SLC1A1: variants seen among roughly 807,000 people sequenced by gnomAD.
The protein encoded by SLC1A1 is solute carrier family 1 member 1, also known as excitatory amino acid transporter 3.
Under a neutral mutation model 53.3 loss-of-function variants are expected in SLC1A1, and 43 were observed. The observed-to-expected ratio is 0.81, with a 90% confidence interval of 0.63 to 1.04. The LOEUF (loss-of-function observed/expected upper bound fraction) is 1.04. Among genes scored for constraint, SLC1A1 ranks in the 50% least tolerant of loss-of-function variants. The probability of loss-of-function intolerance (pLI) is 0.00; values close to 1 mark genes in which losing one functional copy is unlikely to be tolerated. For missense variants in SLC1A1, 748 were observed against 664.9 expected (o/e 1.12, Z -1.37); for synonymous variants, 307 against 243.2 (o/e 1.26, Z -2.44).
intron 1 of SLC1A1, among the ~76,000 whole-genome samples, chr9:4,524,162 G>T (rs1177171321): frequency 6.6e-6 from 1 of 152,164 alleles, no homozygotes; most frequent in Non-Finnish European, 1.5e-5. Flanking sequence ...GAAAAGCAAT[G>T]ATTGTTTTAA....
In SLC1A1 at chr9:4,532,000, C is replaced by T. The variant is rs1029285184; in HGVS notation, c.92-12567C>T. ...ACAGACCTGCAGCTGAGGGTCCTGA[C>T]CGTTAGAAGGAAAACTAACAAACAG... On this transcript the variant is annotated intron_variant, in intron 1 of 11. Coordinates refer to ENST00000262352, the MANE Select transcript of SLC1A1 (RefSeq NM_004170.6). Among the ~76,000 whole-genome samples, 27 of 152,150 alleles carry T rather than the reference C, an allele frequency of 1.8e-4. 1 individual carries two copies. The highest frequency in any genetic ancestry group is 6.3e-4 in the African/African-American group (26 of 41,428).
rs753155496 is a variant in SLC1A1, at chr9:4,567,716, GAAC to G, written c.533_535del (p.Asn178del). Reference sequence around the variant, plus strand: ...TGAAGCCTCCCAGCGATCCAGAGATGAACATGACAGAAGAGTCCTTCACAGCTG... The same window carrying G: ...TGAAGCCTCCCAGCGATCCAGAGATGATGACAGAAGAGTCCTTCACAGCTG... On this transcript the variant is annotated inframe_deletion, in exon 6 of 12. Transcript: ENST00000262352. 570 of 1,613,362 alleles carry G rather than the reference GAAC, an allele frequency of 3.5e-4. 1 individual carries two copies. The highest frequency in any genetic ancestry group is 4.7e-4 in the Non-Finnish European group (553 of 1,179,580).
chr9:4,497,660 T>G (rs1820481777), intron 1 of SLC1A1, among the ~76,000 whole-genome samples: 1 of 152,190 alleles, frequency 6.6e-6, no homozygotes, highest in African/African-American at 2.4e-5. Flanking sequence ...GATTAACACT[T>G]GATGAATCTA....
intron 1 of SLC1A1, among the ~76,000 whole-genome samples, chr9:4,527,200 C>G (rs1403157994): frequency 2.6e-5 from 4 of 152,126 alleles, no homozygotes; most frequent in African/African-American, 9.7e-5. Context: ...CTGAGAACAG[C>G]ATCATGAGCC....
chr9:4,572,298 T>A lies in SLC1A1; in HGVS notation c.677T>A (p.Ile226Asn). Reference protein sequence around the residue: ...IVFCLVFGLVIGKMGEKGQIL... With the variant: ...IVFCLVFGLVNGKMGEKGQIL... ...TTTTGCCTTGTCTTTGGACTTGTCA[T>A]TGGAAAAATGGGAGAAAAGGGACAA... The change falls in exon 7 of 12, where the codon ATT (isoleucine) becomes AAT (asparagine). Residue 226 changes from isoleucine to asparagine, a missense_variant. Transcript: ENST00000262352. 6.2e-7 allele frequency: 1 copy of A among 1,614,134 alleles called. No homozygotes were observed. The highest frequency in any genetic ancestry group is 8.5e-7 in the Non-Finnish European group (1 of 1,179,964).
chr9:4,495,125 A>T (rs991755337), intron 1 of SLC1A1, among the ~76,000 whole-genome samples: 10 of 152,174 alleles, frequency 6.6e-5, no homozygotes, highest in African/African-American at 2.4e-4. Flanking sequence ...TGTAGCGTGC[A>T]TCTGGCAGTG....
intron 1 of SLC1A1, among the ~76,000 whole-genome samples, chr9:4,519,290 T>A (rs1209810004): frequency 6.6e-6 from 1 of 152,258 alleles, no homozygotes; most frequent in Non-Finnish European, 1.5e-5. Context: ...CAATAATGCA[T>A]GACATTGGTT....
At chr9:4,502,530 G>C (rs1437581032) in intron 1 of SLC1A1, among the ~76,000 whole-genome samples, 2 of 150,606 alleles carry the variant, frequency 1.3e-5, no homozygotes, top group Non-Finnish European at 2.9e-5. Flanking sequence ...AATTTACCAC[G>C]AGTTTTATGT....
At chr9:4,584,309 G>A (rs1410495133) in intron 11 of SLC1A1, among the ~76,000 whole-genome samples, 1 of 152,252 alleles carries the variant, frequency 6.6e-6, no homozygotes, top group Non-Finnish European at 1.5e-5. Flanking sequence ...AAATGAGGTG[G>A]CACCCTTCTT....
intron 2 of SLC1A1, among the ~76,000 whole-genome samples, chr9:4,555,725 T>C (rs1818312360): frequency 6.6e-6 from 1 of 152,308 alleles, no homozygotes; most frequent in African/African-American, 2.4e-5. Flanking sequence ...CGTGCTCTTC[T>C]TTTTCTGCCC....
At chr9:4,541,342 G>T (rs1373726472) in intron 1 of SLC1A1, among the ~76,000 whole-genome samples, 1 of 152,210 alleles carries the variant, frequency 6.6e-6, no homozygotes, top group African/African-American at 2.4e-5. Flanking sequence ...AGCAAACAAA[G>T]AAGTTTAGTA....
chr9:4,554,134 G>C (rs1294422724), intron 2 of SLC1A1: 1 of 152,246 alleles, frequency 6.6e-6, no homozygotes, highest in Non-Finnish European at 1.5e-5. Flanking sequence ...GGAGGTTGAA[G>C]ACAGATTAAG....
At chr9:4,555,060 G>C (rs573872351) in intron 2 of SLC1A1, among the ~76,000 whole-genome samples, 1 of 152,330 alleles carries the variant, frequency 6.6e-6, no homozygotes, top group Non-Finnish European at 1.5e-5. Flanking sequence ...AGGCGATAGA[G>C]GCATTTCAGA....
chr9:4,567,926 C>A (rs1819641409), intron 6 of SLC1A1, among the ~76,000 whole-genome samples, 159 bp downstream of exon 6: 1 of 152,096 alleles, frequency 6.6e-6, no homozygotes, highest in Non-Finnish European at 1.5e-5. Flanking sequence ...ACTTAAGGGG[C>A]TTTCATGGTC....
At chr9:4,517,353 T>C (rs1405460935) in intron 1 of SLC1A1, among the ~76,000 whole-genome samples, 8 of 152,212 alleles carry the variant, frequency 5.3e-5, no homozygotes, top group Non-Finnish European at 1.2e-4. Flanking sequence ...GCTTGTTCTC[T>C]TGTCTTCTGT....
intron 1 of SLC1A1, among the ~76,000 whole-genome samples, chr9:4,510,696 G>C (rs1820972403): frequency 6.6e-6 from 1 of 152,216 alleles, no homozygotes. Context: ...CAGCAGGAGA[G>C]ATAAAGTTTC....
intron 3 of SLC1A1, 94 bp downstream of exon 3, chr9:4,561,635 T>A: frequency 1.2e-6 from 1 of 824,198 alleles, no homozygotes; most frequent in Non-Finnish European, 2.1e-6. Context: ...CTCAGGCCTG[T>A]AATCTCAGAA....
chr9:4,540,364 G>A (rs770792236), intron 1 of SLC1A1, among the ~76,000 whole-genome samples: 6 of 152,070 alleles, frequency 3.9e-5, no homozygotes, highest in Non-Finnish European at 4.4e-5. Context: ...ACAAGAGCTC[G>A]GGTGCCATGG....
chr9:4,506,581 T>A (rs1341409448), intron 1 of SLC1A1, among the ~76,000 whole-genome samples: 1 of 143,454 alleles, frequency 7.0e-6, no homozygotes, highest in African/African-American at 2.5e-5. Flanking sequence ...AAAAAAAAAA[T>A]AGAAATCTAC....
Sources: allele counts gnomAD v4.1 joint callset (sites outside exome capture counted in the v4.1 genomes callset), GRCh38; gene constraint gnomAD v4.1.1; transcripts MANE v1.5; gene names NCBI Gene and HGNC (gene_info 2026-07-23, HGNC 2026-07-21).